Variants in HECTD2 observed in about 807,000 individuals in gnomAD.
The protein encoded by HECTD2 is HECT domain E3 ubiquitin protein ligase 2, also known as probable E3 ubiquitin-protein ligase HECTD2.
Under a neutral mutation model 103.2 loss-of-function variants are expected in HECTD2, and 35 were observed. The observed-to-expected ratio is 0.34, with a 90% CI of 0.26 to 0.45. The LOEUF (loss-of-function observed/expected upper bound fraction) is 0.45. Ranked by LOEUF, HECTD2 falls within the 20% of genes least tolerant of loss-of-function variation. HECTD2 has a pLI of 1.00. For missense variants in HECTD2, 596 were observed against 937.4 expected, an observed-to-expected ratio of 0.64 and a Z score of 4.76; for synonymous variants, 281 against 329.9, an observed-to-expected ratio of 0.85 and a Z score of 1.61.
intron 1 of HECTD2, among the ~76,000 whole-genome samples, chr10:91,424,197 C>G (rs1843467856): frequency 6.6e-6 from 1 of 152,068 alleles, no homozygotes; most frequent in Non-Finnish European, 1.5e-5. Flanking sequence ...GTCTTAAATG[C>G]ATTGGTACTT....
chr10:91,504,906 C>A (rs963938413), intron 20 of HECTD2, among the ~76,000 whole-genome samples: 2 of 152,032 alleles, frequency 1.3e-5, no homozygotes, highest in Admixed American at 6.6e-5. Context: ...AAAGAGAAGC[C>A]CATCAGACTA....
chr10:91,500,575 G>A lies in HECTD2; in HGVS notation c.2024G>A (p.Ser675Asn), dbSNP rs772281026. Residue 675 changes from serine (S) to asparagine (N), a missense_variant, in exon 19 of 21, where the codon AGT (serine) becomes AAT (asparagine). Ser to Asn is a conservative substitution (Grantham distance 46). Coordinates refer to ENST00000298068, the MANE Select transcript of HECTD2 (RefSeq NM_182765.6). ...PDLDMHALQR[S>N]TQYDGYAKTD... is the part of the protein sequence containing the mutation. ...CTGGATATGCATGCTCTGCAGAGAA[G>A]TACTCAGTATGATGGCTATGCAAAA... The A allele has an allele frequency of 1.9e-6, 3 of 1,611,406 alleles. No homozygotes were observed. Among genetic ancestry groups the A allele is most frequent in the South Asian group, 2.2e-5 (2 of 91,000 alleles).
chr10:91,427,891 T>G (rs1243309951), intron 2 of HECTD2, among the ~76,000 whole-genome samples: 3 of 151,808 alleles, frequency 2.0e-5, no homozygotes, highest in Non-Finnish European at 2.9e-5. Context: ...TTAGATCCCA[T>G]TTGTCAATTT....
rs1406646003 is a variant in HECTD2, at chr10:91,458,563, G to C, written c.269-1864G>C. Among the ~76,000 whole-genome samples the C allele has an allele frequency of 1.3e-5, 2 of 151,926 alleles. 1 individual carries two copies. Among genetic ancestry groups the C allele is most frequent in the Non-Finnish European group, 2.9e-5 (2 of 67,888 alleles). On this transcript the variant is annotated intron_variant, in intron 2 of 20. Coordinates refer to ENST00000298068, the MANE Select transcript of HECTD2 (RefSeq NM_182765.6). ...CAATAATCATACTGAGATAACCATG[G>C]AGGAAGAGATACAAGGATTGATGGC... is the stretch of plus-strand genomic sequence containing the variant.
intron 5 of HECTD2, among the ~76,000 whole-genome samples, chr10:91,463,823 TTC>T (rs1400181153): frequency 2.6e-5 from 4 of 152,214 alleles, no homozygotes; most frequent in Non-Finnish European, 5.9e-5. Context: ...AGTTGGAACT[TTC>T]ATCCCTTGAT....
At chr10:91,435,792 T>C (rs1003908133) in intron 2 of HECTD2, among the ~76,000 whole-genome samples, 4 of 152,022 alleles carry the variant, frequency 2.6e-5, no homozygotes, top group African/African-American at 9.7e-5. Flanking sequence ...AAAATTTTCT[T>C]GAATTATTTT....
At chr10:91,411,361 A>C (rs928454797) in intron 1 of HECTD2, among the ~76,000 whole-genome samples, 1 of 152,230 alleles carries the variant, frequency 6.6e-6, no homozygotes. Context: ...AATTTAAAAA[A>C]AAACCTCGGA....
intron 6 of HECTD2, among the ~76,000 whole-genome samples, chr10:91,480,186 A>T (rs78725237): frequency 0.012 from 1,790 of 152,158 alleles, 39 homozygotes; most frequent in African/African-American, 0.041. Flanking sequence ...AAATATCATT[A>T]AAAAAATTCT....
intron 5 of HECTD2, among the ~76,000 whole-genome samples, chr10:91,476,819 T>C (rs1845920627): frequency 6.6e-6 from 1 of 152,182 alleles, no homozygotes; most frequent in African/African-American, 2.4e-5. Flanking sequence ...GGCCTTTGTC[T>C]TTGGCTGGGG....
chr10:91,467,540 C>T (rs551898146), intron 5 of HECTD2, among the ~76,000 whole-genome samples: 1 of 152,242 alleles, frequency 6.6e-6, no homozygotes, highest in East Asian at 1.9e-4. Context: ...CGATGCCCAA[C>T]CAAGGTACTT....
chr10:91,431,683 G>T (rs1383901703), intron 2 of HECTD2, among the ~76,000 whole-genome samples: 1 of 151,910 alleles, frequency 6.6e-6, no homozygotes, highest in African/African-American at 2.4e-5. Context: ...GGCTCCTGAG[G>T]CTTCTGCATT....
chr10:91,443,616 G>A (rs1844460174), intron 2 of HECTD2, among the ~76,000 whole-genome samples: 1 of 152,146 alleles, frequency 6.6e-6, no homozygotes, highest in Non-Finnish European at 1.5e-5. Flanking sequence ...GCTGTGCTGG[G>A]AGATCCTCCT....
At chr10:91,445,974 C>T (rs1214737731) in intron 2 of HECTD2, among the ~76,000 whole-genome samples, 2 of 152,008 alleles carry the variant, frequency 1.3e-5, no homozygotes, top group East Asian at 3.9e-4. Context: ...GAGCAGACAC[C>T]GAACTTGCTG....
chr10:91,485,438 A>G (rs1016411669), intron 10 of HECTD2, 135 bp downstream of exon 10: 169 of 587,800 alleles, frequency 2.9e-4, no homozygotes, highest in Non-Finnish European at 4.1e-4. Flanking sequence ...TAGCCTTGAA[A>G]TATCATATTT....
At chr10:91,494,041 G>T (rs1253857083) in intron 14 of HECTD2, among the ~76,000 whole-genome samples, 2 of 151,996 alleles carry the variant, frequency 1.3e-5, no homozygotes, top group African/African-American at 2.4e-5. Flanking sequence ...GCAATCCTAT[G>T]ATTCCTATCA....
At chr10:91,484,437 A>G (rs1846196590) in intron 8 of HECTD2, 70 bp from the exon 9 acceptor site, 4 of 1,529,896 alleles carry the variant, frequency 2.6e-6, no homozygotes, top group Non-Finnish European at 3.6e-6. Flanking sequence ...ATGTAGTTTA[A>G]TATCTAACAG....
At chr10:91,496,489 A>G (rs1241824829) in intron 15 of HECTD2, 117 bp downstream of exon 15, 4 of 688,416 alleles carry the variant, frequency 5.8e-6, no homozygotes, top group African/African-American at 1.8e-5. Flanking sequence ...TTCTACCTTT[A>G]TAACTCATCT....
At chr10:91,455,840 T>C (rs1318069474) in intron 2 of HECTD2, among the ~76,000 whole-genome samples, 36 of 152,016 alleles carry the variant, frequency 2.4e-4, no homozygotes, top group Middle Eastern at 3.4e-3. Flanking sequence ...ATCCTTTCCC[T>C]ATTTCTTGTT....
In HECTD2 at chr10:91,418,853, C is replaced by T. The variant is rs537244224; in HGVS notation, c.139-6428C>T. 6.7e-4 allele frequency among the ~76,000 whole-genome samples: 102 copies of T among 152,206 alleles called. 1 individual carries two copies. The highest frequency in any genetic ancestry group is 3.4e-3 in the Middle Eastern group (1 of 292). ...AATGTTTTCTATTTTAACTTGAAAC[C>T]TATAAATATATGTTTATTTATCAGT... is the stretch of plus-strand genomic sequence containing the variant. On this transcript the variant is annotated intron_variant, in intron 1 of 20. Transcript: ENST00000298068.
Sources: gnomAD v4.1 joint callset for allele counts (sites outside exome capture counted in the v4.1 genomes callset) on GRCh38, gnomAD v4.1.1 for gene constraint, MANE v1.5 for transcripts, NCBI Gene and HGNC (gene_info 2026-07-23, HGNC 2026-07-21) for gene names.